The following AP3S1 variants were observed in gnomAD, a reference collection of about 807,000 sequenced individuals.
The protein encoded by AP3S1 is adaptor related protein complex 3 subunit sigma 1, also known as AP-3 complex subunit sigma-1.
In AP3S1, 12 loss-of-function variants were observed where a neutral mutation model predicts 21.3. The ratio of observed to expected loss-of-function variants is 0.56; its 90% CI spans 0.36 to 0.91. The LOEUF is 0.91. Ranked by LOEUF, AP3S1 falls within the 40% of genes least tolerant of loss-of-function variation. AP3S1 has a pLI of 0.01. For synonymous variants in AP3S1, 48 were observed against 78.4 expected, an observed-to-expected ratio of 0.61 and a Z score of 2.05; for missense variants, 116 against 225.0, an observed-to-expected ratio of 0.52 and a Z score of 3.10.
chr5:115,910,398 G>A (rs555051638), intron 5 of AP3S1, among the ~76,000 whole-genome samples: 19 of 152,068 alleles, frequency 1.2e-4, no homozygotes, highest in African/African-American at 4.6e-4. Context: ...TTGCGGGTAA[G>A]GGGGGACTAC....
chr5:115,877,054 T>C (rs7707960), intron 3 of AP3S1, among the ~76,000 whole-genome samples: 24,969 of 152,162 alleles, frequency 0.16, 2,260 homozygotes, highest in Middle Eastern at 0.2. Flanking sequence ...TTAATTCATC[T>C]TAATATCTAT....
At chr5:115,881,795 T>G (rs1315926046) in intron 3 of AP3S1, among the ~76,000 whole-genome samples, 1 of 152,188 alleles carries the variant, frequency 6.6e-6, no homozygotes, top group Non-Finnish European at 1.5e-5. Context: ...GAAGGGTGTT[T>G]TCCAACTTGG....
intron 3 of AP3S1, among the ~76,000 whole-genome samples, chr5:115,873,359 A>G (rs1018144344): frequency 1.3e-5 from 2 of 152,146 alleles, no homozygotes; most frequent in African/African-American, 2.4e-5. Flanking sequence ...ACTTGTTTTG[A>G]TATTAGATAA....
intron 3 of AP3S1, among the ~76,000 whole-genome samples, chr5:115,876,255 A>G (rs1748704888): frequency 6.6e-6 from 1 of 152,244 alleles, no homozygotes; most frequent in Admixed American, 6.5e-5. Flanking sequence ...CAAATGGTCT[A>G]GAATATAGTA....
chr5:115,870,671 C>T (rs1290770334), intron 3 of AP3S1, among the ~76,000 whole-genome samples: 1 of 152,192 alleles, frequency 6.6e-6, no homozygotes, highest in Non-Finnish European at 1.5e-5. Context: ...CCAGACCATT[C>T]TTTCTTCTCA....
At chr5:115,847,906 T>C (rs965747525) in intron 1 of AP3S1, among the ~76,000 whole-genome samples, 3 of 152,212 alleles carry the variant, frequency 2.0e-5, no homozygotes, top group Non-Finnish European at 2.9e-5. Context: ...TTTCCTTATA[T>C]CAAAGTATCC....
In AP3S1 at chr5:115,881,315, A is replaced by G. The variant is rs146604252; in HGVS notation, c.273+11187A>G. ...GTGTCAATGGTCTTCACAATTTAGT[A>G]TGTTTTTGCAATGGCTGGTACCGGT... On this transcript the variant is annotated intron_variant, in intron 3 of 5. Transcript: ENST00000316788. 5.1e-3 allele frequency among the ~76,000 whole-genome samples: 772 copies of G among 152,214 alleles called. 2 individuals are homozygous for G. The highest frequency in any genetic ancestry group is 7.3e-3 in the South Asian group (35 of 4,820).
chr5:115,901,527 A>C (rs968364076), intron 4 of AP3S1, among the ~76,000 whole-genome samples: 4 of 151,810 alleles, frequency 2.6e-5, no homozygotes, highest in African/African-American at 9.7e-5. Context: ...CATGCTTCCA[A>C]AATGAAAAAT....
At chr5:115,884,817 C>T (rs192799265) in intron 3 of AP3S1, among the ~76,000 whole-genome samples, 24 of 152,140 alleles carry the variant, frequency 1.6e-4, no homozygotes, top group Middle Eastern at 3.4e-3. Flanking sequence ...GTAAGGCAAC[C>T]ATTTTTTTTT....
chr5:115,855,033 A>G (rs1179330983), intron 1 of AP3S1, among the ~76,000 whole-genome samples: 1 of 148,590 alleles, frequency 6.7e-6, no homozygotes, highest in Non-Finnish European at 1.5e-5. Flanking sequence ...CTATCTATCT[A>G]TCTATCTATC....
chr5:115,849,480 G>T (rs1762284487), intron 1 of AP3S1, among the ~76,000 whole-genome samples: 1 of 152,160 alleles, frequency 6.6e-6, no homozygotes, highest in African/African-American at 2.4e-5. Context: ...GAAATCACGG[G>T]GAAGAGAGGC....
chr5:115,898,924 C>G (rs552512874), intron 4 of AP3S1: 2 of 152,314 alleles, frequency 1.3e-5, no homozygotes, highest in East Asian at 3.9e-4. Flanking sequence ...TAGTGTGGCT[C>G]CAATTGGGTG....
intron 3 of AP3S1, among the ~76,000 whole-genome samples, chr5:115,894,556 G>A (rs1214108824): frequency 1.3e-5 from 2 of 152,196 alleles, no homozygotes; most frequent in African/African-American, 2.4e-5. Context: ...GCCTGCTGAG[G>A]TGACTCTTCC....
chr5:115,890,696 G>A (rs1218009474), intron 3 of AP3S1, among the ~76,000 whole-genome samples: 8 of 152,108 alleles, frequency 5.3e-5, no homozygotes, highest in Non-Finnish European at 1.0e-4. Flanking sequence ...TTTTAACTAT[G>A]ATTTTCTAAA....
chr5:115,853,105 C>T (rs911256082), intron 1 of AP3S1: 4 of 425,100 alleles, frequency 9.4e-6, no homozygotes, highest in Admixed American at 2.6e-5. Flanking sequence ...TGTCTGAGGG[C>T]TCCAGTTTCT....
In AP3S1 at chr5:115,902,780, C is replaced by T. The variant is rs1411788376; in HGVS notation, c.346-105C>T. On this transcript the variant is annotated intron_variant, in intron 4 of 5. Transcript: ENST00000316788. ...CTTACTCCAAGTTGTTTTTACCACT[C>T]ATACTTTTAACATAGACAAAGTGGT... 2.3e-5 allele frequency: 17 copies of T among 753,242 alleles called. No individual in the cohort carries two copies. In the East Asian group the frequency reaches 2.4e-4, roughly 10 times the overall value. The allele number at this position is 753,242 out of a possible 1,614,324, so 46.7% of individuals were successfully genotyped here. A position where few individuals can be genotyped will look rare whatever the true frequency, so the allele number is the denominator to read the frequency against.
At chr5:115,867,024 A>G (rs1018624603) in intron 2 of AP3S1, among the ~76,000 whole-genome samples, 21 of 152,134 alleles carry the variant, frequency 1.4e-4, no homozygotes, top group Admixed American at 1.4e-3. Flanking sequence ...ACAGGGAAGT[A>G]TAAAATGTAA....
chr5:115,848,205 A>G (rs1423247559), intron 1 of AP3S1, among the ~76,000 whole-genome samples: 1 of 144,812 alleles, frequency 6.9e-6, no homozygotes, highest in East Asian at 1.9e-4. Flanking sequence ...GTGACTGTGG[A>G]AAATTAAATA....
chr5:115,880,583 G>C (rs1039409866), intron 3 of AP3S1, among the ~76,000 whole-genome samples: 6 of 152,072 alleles, frequency 3.9e-5, no homozygotes, highest in African/African-American at 1.4e-4. Flanking sequence ...TATGATTTCT[G>C]TTCTTTTGCA....
Sources: allele counts gnomAD v4.1 joint callset (sites outside exome capture counted in the v4.1 genomes callset), GRCh38; gene constraint gnomAD v4.1.1; transcripts MANE v1.5; gene names NCBI Gene and HGNC (gene_info 2026-07-23, HGNC 2026-07-21).